The following ANKS1B variants were observed in gnomAD, a reference collection of about 807,000 sequenced individuals.
ANKS1B encodes the protein ankyrin repeat and sterile alpha motif domain containing 1B.
A neutral mutation model predicts 148.3 loss-of-function variants in ANKS1B; 36 were observed. The observed-to-expected ratio is 0.24, with a 90% CI of 0.19 to 0.32. ANKS1B has a LOEUF of 0.32. Among genes scored for constraint, ANKS1B ranks in the 10% least tolerant of loss-of-function variants. The pLI is 1.00. For missense variants in ANKS1B, 1,157 were observed against 1,542.6 expected (o/e 0.75, Z 4.19); for synonymous variants, 542 against 560.8 (o/e 0.97, Z 0.47).
intron 17 of ANKS1B, among the ~76,000 whole-genome samples, chr12:98,968,803 C>T (rs61932197): frequency 1.3e-5 from 2 of 151,848 alleles, no homozygotes; most frequent in African/African-American, 4.8e-5. Flanking sequence ...GGAGGGTAAC[C>T]GCTTTCCAGA....
At chr12:99,900,911 A>C (rs2093576868) in intron 1 of ANKS1B, among the ~76,000 whole-genome samples, 1 of 152,246 alleles carries the variant, frequency 6.6e-6, no homozygotes, top group Non-Finnish European at 1.5e-5. Flanking sequence ...TAAATTTCAG[A>C]CCAGCATTTT....
At chr12:99,203,521 G>A (rs1359299839) in intron 14 of ANKS1B, among the ~76,000 whole-genome samples, 1 of 151,344 alleles carries the variant, frequency 6.6e-6, no homozygotes, top group Non-Finnish European at 1.5e-5. Flanking sequence ...TGTGATCTTG[G>A]CTCACTGCAA....
intron 12 of ANKS1B, among the ~76,000 whole-genome samples, chr12:99,261,918 C>A (rs1385087509): frequency 6.6e-6 from 1 of 152,048 alleles, no homozygotes; most frequent in African/African-American, 2.4e-5. Flanking sequence ...GATACTCTGC[C>A]CCAATTCTCT....
chr12:99,001,005 G>A (rs1360687821), intron 17 of ANKS1B, among the ~76,000 whole-genome samples: 2 of 151,952 alleles, frequency 1.3e-5, no homozygotes, highest in Admixed American at 6.6e-5. Context: ...ATGTGTGTGT[G>A]TATATAATAT....
intron 12 of ANKS1B, among the ~76,000 whole-genome samples, chr12:99,325,448 C>T (rs1307348782): frequency 2.0e-5 from 3 of 152,100 alleles, no homozygotes; most frequent in Non-Finnish European, 2.9e-5. Context: ...TTGAAGATGG[C>T]ACCTGCAGTG....
In ANKS1B at chr12:98,804,250, G is replaced by A. The variant is rs369404182; in HGVS notation, c.3142-3125C>T. 4.6e-5 allele frequency among the ~76,000 whole-genome samples: 7 copies of A among 152,044 alleles called. No individual in the cohort carries two copies. In the East Asian group the frequency reaches 1.2e-3, roughly 25 times the overall value. On this transcript the variant is annotated intron_variant, in intron 20 of 26. Transcript: ENST00000683438. ...CCAAATATTGTCAAATTCCCTACAGGGACTGAATCTACCTTTCTGGAAAGA... is the reference window on the plus strand; with the variant it reads ...CCAAATATTGTCAAATTCCCTACAGAGACTGAATCTACCTTTCTGGAAAGA...
At chr12:99,023,772 TC>T (rs1267672227) in intron 17 of ANKS1B, among the ~76,000 whole-genome samples, 1 of 150,878 alleles carries the variant, frequency 6.6e-6, no homozygotes, top group Non-Finnish European at 1.5e-5. Flanking sequence ...TATATACCTC[TC>T]TGTGAATATG....
intron 4 of ANKS1B, among the ~76,000 whole-genome samples, chr12:99,802,168 T>C (rs2067029991): frequency 1.3e-5 from 2 of 152,366 alleles, no homozygotes; most frequent in South Asian, 2.1e-4. Flanking sequence ...GCATGGAAAC[T>C]TGTACTTTTT....
chr12:98,836,524 C>T (rs1252995370), intron 17 of ANKS1B, among the ~76,000 whole-genome samples: 3 of 152,078 alleles, frequency 2.0e-5, no homozygotes, highest in African/African-American at 7.2e-5. Context: ...GAAAGATGGT[C>T]ATTATGGAAA....
intron 1 of ANKS1B, among the ~76,000 whole-genome samples, chr12:99,838,375 C>G (rs2085179126): frequency 6.6e-6 from 1 of 152,298 alleles, no homozygotes; most frequent in East Asian, 1.9e-4. Context: ...TATATTCCCA[C>G]CAATGGTGTA....
intron 1 of ANKS1B, among the ~76,000 whole-genome samples, chr12:99,884,789 C>T (rs924221952): frequency 6.6e-6 from 1 of 152,100 alleles, no homozygotes; most frequent in Non-Finnish European, 1.5e-5. Context: ...TTTTCAGAGA[C>T]AATGGAACCC....
chr12:99,161,366 C>T (rs544221735), intron 14 of ANKS1B, among the ~76,000 whole-genome samples: 12 of 152,008 alleles, frequency 7.9e-5, no homozygotes, highest in Admixed American at 2.0e-4. Context: ...TCTATCTCTA[C>T]GAACAATTAA....
At chr12:98,860,096 A>G (rs1157342750) in intron 17 of ANKS1B, among the ~76,000 whole-genome samples, 2 of 152,266 alleles carry the variant, frequency 1.3e-5, no homozygotes, top group African/African-American at 4.8e-5. Flanking sequence ...GATGATTTCA[A>G]AAAACCTGTT....
At chr12:98,891,456 A>G (rs1379702706) in intron 17 of ANKS1B, among the ~76,000 whole-genome samples, 1 of 152,226 alleles carries the variant, frequency 6.6e-6, no homozygotes, top group African/African-American at 2.4e-5. Context: ...AGAAAAAATC[A>G]GATGAACAGG....
chr12:99,149,812 A>G (rs532398851), intron 15 of ANKS1B, among the ~76,000 whole-genome samples: 1 of 152,194 alleles, frequency 6.6e-6, no homozygotes, highest in Middle Eastern at 3.4e-3. Flanking sequence ...CTCTTCTATT[A>G]TCTACTGTAA....
intron 17 of ANKS1B, among the ~76,000 whole-genome samples, chr12:99,042,244 T>A (rs1337049154): frequency 6.6e-6 from 1 of 152,156 alleles, no homozygotes; most frequent in African/African-American, 2.4e-5. Context: ...TTTGGCCAAG[T>A]GTTGGCAGAT....
rs950265246 is a variant in ANKS1B at position 99,536,586 on chromosome 12, C to T, written c.1273-31945G>A. ...AGCTAGAAAAGTTGTTGCTATTAGA[C>T]CTACTCTATAAGAAATATGAAATTT... On this transcript the variant is annotated intron_variant, in intron 9 of 26. Coordinates refer to ENST00000683438, the MANE Select transcript of ANKS1B (RefSeq NM_001352186.2). Among the ~76,000 whole-genome samples the T allele has an allele frequency of 3.3e-5, 5 of 151,960 alleles. No homozygotes were observed. The East Asian group carries it at 9.6e-4, about 29-fold the overall frequency.
chr12:98,879,166 T>C (rs1186452268), intron 17 of ANKS1B, among the ~76,000 whole-genome samples: 1 of 152,212 alleles, frequency 6.6e-6, no homozygotes, highest in Non-Finnish European at 1.5e-5. Context: ...GTATTGACCT[T>C]TGTGGACCAA....
chr12:99,616,188 T>C (rs1405997752), intron 9 of ANKS1B, among the ~76,000 whole-genome samples: 1 of 152,120 alleles, frequency 6.6e-6, no homozygotes, highest in Non-Finnish European at 1.5e-5. Context: ...ATAGGAAGAA[T>C]CAATATCGTG....
Sources: gnomAD v4.1 joint callset for allele counts (sites outside exome capture counted in the v4.1 genomes callset) on GRCh38, gnomAD v4.1.1 for gene constraint, MANE v1.5 for transcripts, NCBI Gene and HGNC (gene_info 2026-07-23, HGNC 2026-07-21) for gene names.